The following ARRDC5 variants were observed in gnomAD, a reference collection of about 807,000 sequenced individuals.
ARRDC5 encodes arrestin domain containing 5.
ARRDC5 carries 12 observed loss-of-function variants against 13.3 expected under a neutral mutation model. That is an observed-to-expected ratio of 0.90 (90% confidence interval 0.58 to 1.46). The LOEUF (loss-of-function observed/expected upper bound fraction) is 1.46, where lower values mean the gene tolerates loss of function less well. Among genes scored for constraint, ARRDC5 ranks in the 40% most tolerant of loss-of-function variants. The probability of loss-of-function intolerance (pLI) is 0.00; values close to 1 mark genes in which losing one functional copy is unlikely to be tolerated. For synonymous variants in ARRDC5, 181 were observed against 173.4 expected, an observed-to-expected ratio of 1.04 and a Z score of -0.34; for missense variants, 406 against 418.7, an observed-to-expected ratio of 0.97 and a Z score of 0.26.
chr19:4,900,278 G>A (rs1288933624), intron 1 of ARRDC5, among the ~76,000 whole-genome samples: 1 of 150,864 alleles, frequency 6.6e-6, no homozygotes, highest in Non-Finnish European at 1.5e-5. Flanking sequence ...TTCTTGAGCA[G>A]CTGTATTTTT....
At chr19:4,902,940 G>A, upstream of ARRDC5, 4 of 1,526,206 alleles carry the variant, frequency 2.6e-6, no homozygotes, top group South Asian at 2.4e-5. Flanking sequence ...CAGAGTTCCG[G>A]GAAGTGGGGA....
At chr19:4,905,283 AT>A (rs942874766), upstream of ARRDC5, among the ~76,000 whole-genome samples, 741 of 146,084 alleles carry the variant, frequency 5.1e-3, 5 homozygotes, top group Non-Finnish European at 7.5e-3. Flanking sequence ...TGCCCGGCTA[AT>A]TTTTTTTTGT....
chr19:4,896,361 T>TTACACAC (rs761253103), intron 2 of ARRDC5, among the ~76,000 whole-genome samples: 3 of 84,956 alleles, frequency 3.5e-5, no homozygotes, highest in African/African-American at 1.7e-4. Flanking sequence ...TTTTTTTTTT[T>TTACACAC]ACACACACAC....
Position 4,891,699 on chromosome 19 carries a change from A to G in ARRDC5, c.460-126T>C, listed in dbSNP as rs893292176. 68 of 820,544 alleles carry G rather than the reference A, an allele frequency of 8.3e-5. 1 individual carries two copies. The South Asian group carries it at 1.2e-3, about 14-fold the overall frequency. The allele number at this position is 820,544 out of a possible 1,614,324, so 50.8% of individuals were successfully genotyped here. ...TGGCTGGGCACGATAGCTCACGCCT[A>G]TAATCCCAACACCTTGGGAGGCCGA... is the stretch of plus-strand genomic sequence containing the variant. On this transcript the variant is annotated intron_variant, in intron 2 of 2. Coordinates refer to ENST00000650722, the MANE Select transcript of ARRDC5 (RefSeq NM_001080523.3).
At chr19:4,914,524 C>T in the ARRDC5 span, among the ~76,000 whole-genome samples, 1 of 151,946 alleles carries the variant, frequency 6.6e-6, no homozygotes, top group African/African-American at 2.4e-5. Flanking sequence ...GGTGGTCTCA[C>T]TTGGGCTGAA....
chr19:4,892,523 C>T (rs1358275797), intron 2 of ARRDC5, among the ~76,000 whole-genome samples: 1 of 151,212 alleles, frequency 6.6e-6, no homozygotes, highest in Non-Finnish European at 1.5e-5. Context: ...TGTGCCACCA[C>T]ACCCCAGCTT....
chr19:4,915,244 G>T, the ARRDC5 span, among the ~76,000 whole-genome samples: 3,154 of 152,258 alleles, frequency 0.021, 115 homozygotes, highest in African/African-American at 0.072. Flanking sequence ...TCTGCGGGAG[G>T]GAGGGTCCCC....
upstream of ARRDC5, among the ~76,000 whole-genome samples, chr19:4,905,363 C>A (rs546077972): frequency 6.6e-6 from 1 of 151,586 alleles, no homozygotes; most frequent in Non-Finnish European, 1.5e-5. Flanking sequence ...TCGTGATCCA[C>A]CTGCCTCAGC....
chr19:4,892,181 G>A (rs1240113014), intron 2 of ARRDC5, among the ~76,000 whole-genome samples: 3 of 151,730 alleles, frequency 2.0e-5, no homozygotes, highest in African/African-American at 7.3e-5. Flanking sequence ...TCCGCCTCCC[G>A]GGTTCAAGCG....
intron 2 of ARRDC5, among the ~76,000 whole-genome samples, chr19:4,895,285 T>G (rs1273903796): frequency 6.7e-6 from 1 of 149,686 alleles, no homozygotes; most frequent in African/African-American, 2.5e-5. Flanking sequence ...TAGCTGGGCG[T>G]GGTGGTGGGT....
chr19:4,893,002 C>T (rs1209155117), intron 2 of ARRDC5, among the ~76,000 whole-genome samples: 1 of 150,184 alleles, frequency 6.7e-6, no homozygotes, highest in Non-Finnish European at 1.5e-5. Flanking sequence ...ACTCAGGAGG[C>T]TGAGGCGGGA....
intron 2 of ARRDC5, among the ~76,000 whole-genome samples, chr19:4,894,718 GAGA>G (rs927615105): frequency 9.6e-5 from 13 of 135,650 alleles, no homozygotes; most frequent in African/African-American, 3.0e-4. Flanking sequence ...GAAGGAGAAG[GAGA>G]AGAAGAAGAA....
At chr19:4,905,752 A>C (rs765206347), upstream of ARRDC5, among the ~76,000 whole-genome samples, 4 of 151,542 alleles carry the variant, frequency 2.6e-5, no homozygotes, top group East Asian at 7.8e-4. Flanking sequence ...TCCTGACCTC[A>C]GTGATCCGCC....
At chr19:4,915,939 C>A in the ARRDC5 span, among the ~76,000 whole-genome samples, 2 of 152,080 alleles carry the variant, frequency 1.3e-5, no homozygotes, top group African/African-American at 4.8e-5. Flanking sequence ...ATTTCAGGAC[C>A]CTTTACATCA....
At chr19:4,905,999 CAG>C (rs35431578), upstream of ARRDC5, among the ~76,000 whole-genome samples, 32 of 152,226 alleles carry the variant, frequency 2.1e-4, no homozygotes, top group Non-Finnish European at 3.8e-4. Flanking sequence ...TTTTTTGAGA[CAG>C]AGTCTCCTTC....
At chr19:4,912,716 A>C in the ARRDC5 span, among the ~76,000 whole-genome samples, 78 of 152,108 alleles carry the variant, frequency 5.1e-4, no homozygotes, top group Admixed American at 2.7e-3. Context: ...CACCGTCAGT[A>C]CCTAGAGCTC....
intron 2 of ARRDC5, among the ~76,000 whole-genome samples, chr19:4,894,204 G>A (rs1179765210): frequency 2.7e-5 from 4 of 149,748 alleles, no homozygotes; most frequent in Admixed American, 6.7e-5. Context: ...GTGAAACCCC[G>A]TCTCTAATAA....
chr19:4,891,505 C>T lies in ARRDC5; in HGVS notation c.528G>A (p.Leu176=), dbSNP rs766298932. ...YNCCRQGTVC[L]QIQMERNTFT... ...AGGTGTTCCTTTCCATCTGGATTTGCAAACAGACAGTGCCCTGGCGGCAGC... is the reference window on the plus strand; with the variant it reads ...AGGTGTTCCTTTCCATCTGGATTTGTAAACAGACAGTGCCCTGGCGGCAGC... The change falls in exon 3 of 3, where the codon TTG becomes TTA. Residue 176 remains leucine, a synonymous_variant. Coordinates refer to ENST00000650722, the MANE Select transcript of ARRDC5 (RefSeq NM_001080523.3). 4.3e-6 allele frequency: 7 copies of T among 1,613,904 alleles called. No individual in the cohort carries two copies. The highest frequency in any genetic ancestry group is 3.3e-5 in the South Asian group (3 of 91,060).
rs767827017 is a variant in ARRDC5 at position 4,891,335 on chromosome 19, C to T, written c.698G>A (p.Ser233Asn). The change falls in exon 3 of 3, where the codon AGC (serine) becomes AAC (asparagine). Residue 233 changes from serine to asparagine, a missense_variant. Ser to Asn is a conservative substitution (Grantham distance 46). Coordinates refer to ENST00000650722, the MANE Select transcript of ARRDC5 (RefSeq NM_001080523.3). ...GGCCTCCTGCCTCAGAAGCTCGCTG[C>T]TGTCCAGCCGAGACCGCCGCTCTGC... ...PSAERRSRLDSSELLRQEANT... is the reference protein window; with the variant it reads ...PSAERRSRLDNSELLRQEANT... 4 of 1,613,838 alleles carry T rather than the reference C, an allele frequency of 2.5e-6. No individual in the cohort carries two copies. The highest frequency in any genetic ancestry group is 2.2e-5 in the East Asian group (1 of 44,878).
Sources: gnomAD v4.1 joint callset for allele counts (sites outside exome capture counted in the v4.1 genomes callset) on GRCh38, gnomAD v4.1.1 for gene constraint, MANE v1.5 for transcripts, NCBI Gene and HGNC (gene_info 2026-07-23, HGNC 2026-07-21) for gene names.